The following COL24A1 variants were observed in gnomAD, a reference collection of about 807,000 sequenced individuals.
COL24A1 encodes collagen type XXIV alpha 1 chain.
A neutral mutation model predicts 253.9 loss-of-function variants in COL24A1; 224 were observed. The ratio of observed to expected loss-of-function variants is 0.88; its 90% CI spans 0.79 to 0.99. COL24A1 has a LOEUF of 0.99. COL24A1 is among the 50% of genes least tolerant of loss of function. The pLI, the probability that COL24A1 is intolerant of heterozygous loss-of-function variation, is 0.00. For synonymous variants in COL24A1, 685 were observed against 673.7 expected (o/e 1.02, Z -0.26); for missense variants, 2,131 against 2,068.5 (o/e 1.03, Z -0.59).
At chr1:85,871,581 A>T (rs1273384317) in intron 35 of COL24A1, among the ~76,000 whole-genome samples, 1 of 152,232 alleles carries the variant, frequency 6.6e-6, no homozygotes, top group Non-Finnish European at 1.5e-5. Context: ...TATAAACAGA[A>T]CCAAAGATAA....
chr1:86,111,065 G>A (rs935736793), intron 5 of COL24A1, among the ~76,000 whole-genome samples: 2 of 152,110 alleles, frequency 1.3e-5, no homozygotes, highest in African/African-American at 2.4e-5. Context: ...TTGTACATGC[G>A]CCAATCAGCA....
chr1:85,810,886 T>C (rs1417376194), intron 47 of COL24A1, among the ~76,000 whole-genome samples: 3 of 152,184 alleles, frequency 2.0e-5, no homozygotes, highest in African/African-American at 7.2e-5. Flanking sequence ...TATTTCTTTA[T>C]AGCAATGCAA....
chr1:85,831,701 A>G lies in COL24A1; in HGVS notation c.3681+6884T>C, dbSNP rs537637191. On this transcript the variant is annotated intron_variant, in intron 43 of 59. Coordinates refer to ENST00000370571, the MANE Select transcript of COL24A1 (RefSeq NM_152890.7). ...TTTTATAAGGGAAGTGATAAGTTCAATCTTGAAGAATGAGTGTTCCGGGCA... is the reference window on the plus strand; with the variant it reads ...TTTTATAAGGGAAGTGATAAGTTCAGTCTTGAAGAATGAGTGTTCCGGGCA... Among the ~76,000 whole-genome samples, 6 of 152,218 alleles carry G rather than the reference A, an allele frequency of 3.9e-5. No individual in the cohort carries two copies. In the East Asian group the frequency reaches 5.8e-4, roughly 15 times the overall value.
At chr1:85,825,723 T>C (rs1408644786) in intron 43 of COL24A1, among the ~76,000 whole-genome samples, 1 of 144,972 alleles carries the variant, frequency 6.9e-6, no homozygotes, top group Non-Finnish European at 1.5e-5. Context: ...AAATGTCTTC[T>C]TTTGAGAAGT....
At chr1:85,929,796 A>G (rs1191317468) in intron 24 of COL24A1, among the ~76,000 whole-genome samples, 2 of 151,372 alleles carry the variant, frequency 1.3e-5, no homozygotes, top group African/African-American at 4.9e-5. Context: ...AAGCCGCTCA[A>G]CTACATGGAA....
At chr1:86,054,738 T>G (rs1368541106) in intron 10 of COL24A1, among the ~76,000 whole-genome samples, 1 of 152,114 alleles carries the variant, frequency 6.6e-6, no homozygotes, top group Admixed American at 6.5e-5. Flanking sequence ...TTTGGAAATT[T>G]CTCAAAGAAC....
chr1:86,138,691 C>T (rs1025286123), intron 2 of COL24A1, among the ~76,000 whole-genome samples: 7 of 152,098 alleles, frequency 4.6e-5, no homozygotes, highest in African/African-American at 1.4e-4. Context: ...TGTAAATTGC[C>T]CAGTCTTGAG....
intron 20 of COL24A1, among the ~76,000 whole-genome samples, chr1:85,974,628 GAC>G (rs1692484642): frequency 6.6e-6 from 1 of 152,132 alleles, no homozygotes; most frequent in Admixed American, 6.5e-5. Flanking sequence ...GGAGGAGGTA[GAC>G]ACAATTAGAG....
chr1:86,111,160 G>C (rs1705550426), intron 5 of COL24A1, among the ~76,000 whole-genome samples: 1 of 149,044 alleles, frequency 6.7e-6, no homozygotes, highest in South Asian at 2.2e-4. Flanking sequence ...GAACTTTTAT[G>C]TCTAGCTAGA....
chr1:86,143,460 C>T (rs1002341154), intron 2 of COL24A1, among the ~76,000 whole-genome samples: 6 of 151,868 alleles, frequency 4.0e-5, no homozygotes, highest in Non-Finnish European at 7.4e-5. Context: ...AAAATATAAA[C>T]GTACATGGCT....
intron 58 of COL24A1, among the ~76,000 whole-genome samples, chr1:85,736,967 T>G (rs1010219069): frequency 2.0e-5 from 3 of 152,204 alleles, no homozygotes; most frequent in African/African-American, 7.2e-5. Context: ...AAGGTTATTA[T>G]GTGCCCAATA....
At chr1:86,121,496 C>T (rs767726634) in intron 3 of COL24A1, among the ~76,000 whole-genome samples, 8 of 151,788 alleles carry the variant, frequency 5.3e-5, no homozygotes, top group Non-Finnish European at 1.0e-4. Context: ...GTCAAGATGA[C>T]ATTAACGTAC....
At chr1:85,947,697 C>A (rs552365583) in intron 24 of COL24A1, among the ~76,000 whole-genome samples, 2 of 152,100 alleles carry the variant, frequency 1.3e-5, no homozygotes, top group Non-Finnish European at 2.9e-5. Flanking sequence ...TATCACATTA[C>A]GAAGACTTTA....
chr1:86,047,151 G>A (rs541395), intron 11 of COL24A1, among the ~76,000 whole-genome samples: 28,290 of 152,090 alleles, frequency 0.19, 3,177 homozygotes, highest in African/African-American at 0.3. Context: ...TCCAGAGACA[G>A]GCATATTACC....
chr1:86,016,585 T>C (rs1571611264), intron 19 of COL24A1, among the ~76,000 whole-genome samples: 1 of 152,338 alleles, frequency 6.6e-6, no homozygotes. Context: ...AGTATATCTT[T>C]GACTCATAGG....
chr1:85,804,043 A>C (rs2101814783), intron 47 of COL24A1, among the ~76,000 whole-genome samples: 1 of 152,338 alleles, frequency 6.6e-6, no homozygotes, highest in South Asian at 2.1e-4. Context: ...AATAATAGAA[A>C]AAATTCAGGA....
At chr1:85,861,859 CTATT>C (rs1679187623) in intron 37 of COL24A1, among the ~76,000 whole-genome samples, 3 of 152,168 alleles carry the variant, frequency 2.0e-5, no homozygotes, top group Admixed American at 2.0e-4. Context: ...CAACTTTTCA[CTATT>C]TATTATGCTG....
chr1:85,784,426 T>C, intron 48 of COL24A1, 60 bp from the exon 49 acceptor site: 1 of 1,288,058 alleles, frequency 7.8e-7, no homozygotes, highest in Non-Finnish European at 1.1e-6. Flanking sequence ...TATTGGCTTT[T>C]GAATGAAACC....
At chr1:85,885,893 A>C (rs945811413) in intron 32 of COL24A1, among the ~76,000 whole-genome samples, 4 of 152,090 alleles carry the variant, frequency 2.6e-5, no homozygotes, top group African/African-American at 9.7e-5. Flanking sequence ...GGCATCTAAG[A>C]ATGAGAACTC....
Sources: allele counts gnomAD v4.1 joint callset (sites outside exome capture counted in the v4.1 genomes callset), GRCh38; gene constraint gnomAD v4.1.1; transcripts MANE v1.5; gene names NCBI Gene and HGNC (gene_info 2026-07-23, HGNC 2026-07-21).